ANK1: variants seen among roughly 807,000 people sequenced by gnomAD.
The protein encoded by ANK1 is ankyrin-1.
In ANK1, 51 loss-of-function variants were observed where a neutral mutation model predicts 210.4. The ratio of observed to expected loss-of-function variants is 0.24; its 90% CI spans 0.19 to 0.31. ANK1 has a LOEUF of 0.31. Among genes scored for constraint, ANK1 ranks in the 10% least tolerant of loss-of-function variants. The pLI, the probability that ANK1 is intolerant of heterozygous loss-of-function variation, is 1.00. For missense variants in ANK1, 2,051 were observed against 2,504.4 expected, an observed-to-expected ratio of 0.82 and a Z score of 3.86; for synonymous variants, 967 against 1,025.9, an observed-to-expected ratio of 0.94 and a Z score of 1.10.
chr8:41,758,771 G>A (rs531641159), intron 1 of ANK1, among the ~76,000 whole-genome samples: 1 of 152,302 alleles, frequency 6.6e-6, no homozygotes, highest in African/African-American at 2.4e-5. Flanking sequence ...GGTTTCAGGG[G>A]CTCCACAGTC....
Position 41,734,031 on chromosome 8 carries a change from G to C in ANK1, c.168C>G (p.Gly56=). 2.5e-6 allele frequency: 4 copies of C among 1,614,218 alleles called. No individual in the cohort carries two copies. Among genetic ancestry groups the C allele is most frequent in the Non-Finnish European group, 3.4e-6 (4 of 1,180,030 alleles). The change falls in exon 3 of 43, where the codon GGC becomes GGG. Residue 56 remains glycine, a synonymous_variant. Coordinates refer to ENST00000289734, the MANE Select transcript of ANK1 (RefSeq NM_000037.4). ...LNGLHLASKE[G]HVKMVVELLH... Reference sequence around the variant, plus strand: ...GAAGTTCAACCACCATTTTCACATGGCCTTCCTTAGAAGCCAGATGCAAGC... The same window carrying C: ...GAAGTTCAACCACCATTTTCACATGCCCTTCCTTAGAAGCCAGATGCAAGC...
chr8:41,859,990 G>A (rs907854021), intron 1 of ANK1, among the ~76,000 whole-genome samples: 2 of 152,164 alleles, frequency 1.3e-5, no homozygotes, highest in Non-Finnish European at 2.9e-5. Flanking sequence ...AGGGAAATGG[G>A]GAGGTGGCCA....
chr8:41,849,416 A>G (rs1438632809), intron 1 of ANK1, among the ~76,000 whole-genome samples: 2 of 151,772 alleles, frequency 1.3e-5, no homozygotes, highest in African/African-American at 4.9e-5. Flanking sequence ...CCCAGCTACC[A>G]GGGAGGCTGA....
At chr8:41,761,239 C>A (rs918491627) in intron 1 of ANK1, among the ~76,000 whole-genome samples, 1 of 148,748 alleles carries the variant, frequency 6.7e-6, no homozygotes, top group African/African-American at 2.5e-5. Flanking sequence ...GCACACAAAT[C>A]TACACATACA....
At chr8:41,792,199 G>A (rs1847882074) in intron 1 of ANK1, among the ~76,000 whole-genome samples, 1 of 152,144 alleles carries the variant, frequency 6.6e-6, no homozygotes, top group Non-Finnish European at 1.5e-5. Flanking sequence ...GAGGCAGCAG[G>A]GAAAACAATG....
chr8:41,855,218 T>A (rs1811980767), intron 1 of ANK1, among the ~76,000 whole-genome samples: 1 of 152,132 alleles, frequency 6.6e-6, no homozygotes, highest in African/African-American at 2.4e-5. Context: ...ATTGAATAAA[T>A]AAATGAGATG....
chr8:41,684,422 T>G, intron 37 of ANK1, 122 bp downstream of exon 37: 5 of 1,478,662 alleles, frequency 3.4e-6, no homozygotes, highest in Non-Finnish European at 4.7e-6. Context: ...AAACCAGACC[T>G]CCCACCAATG....
At chr8:41,887,207 T>A (rs1356179686) in intron 1 of ANK1, among the ~76,000 whole-genome samples, 1 of 151,820 alleles carries the variant, frequency 6.6e-6, no homozygotes, top group Non-Finnish European at 1.5e-5. Context: ...TGTTTATTTT[T>A]AACATTTTTT....
intron 2 of ANK1, among the ~76,000 whole-genome samples, chr8:41,747,332 A>G (rs1288470459): frequency 6.6e-6 from 1 of 152,042 alleles, no homozygotes; most frequent in Non-Finnish European, 1.5e-5. Flanking sequence ...AATCTTCCTC[A>G]AGGCCCAGAC....
At chr8:41,760,688 G>A (rs1676117977) in intron 1 of ANK1, among the ~76,000 whole-genome samples, 1 of 152,186 alleles carries the variant, frequency 6.6e-6, no homozygotes, top group Admixed American at 6.5e-5. Flanking sequence ...TTTGTAAGCT[G>A]GGGAGAGTAA....
intron 9 of ANK1, among the ~76,000 whole-genome samples, chr8:41,720,596 T>C (rs998020054): frequency 1.3e-5 from 2 of 152,138 alleles, no homozygotes; most frequent in Admixed American, 6.6e-5. Flanking sequence ...AGAACAGACA[T>C]AACCCCTGAC....
chr8:41,850,655 T>A (rs542854951), intron 1 of ANK1, among the ~76,000 whole-genome samples: 1 of 152,196 alleles, frequency 6.6e-6, no homozygotes, highest in Non-Finnish European at 1.5e-5. Context: ...TAATTTTTTA[T>A]ATTTTTGCAG....
In ANK1 at chr8:41,715,821, G is replaced by A. The variant is rs1248146540; in HGVS notation, c.1433C>T (p.Ala478Val). The change falls in exon 14 of 43, where the codon GCT becomes GTT. Residue 478 changes from alanine to valine, a missense_variant. Transcript: ENST00000289734. ...CACCATGTTTGTGTGGCCGATGCGA[G>A]CTGCACAGTGAAGTGGGGTCTGGTC... ...KDDQTPLHCAARIGHTNMVKL... is the reference protein window; with the variant it reads ...KDDQTPLHCAVRIGHTNMVKL... 1 of 1,614,262 alleles carries A rather than the reference G, an allele frequency of 6.2e-7. No homozygotes were observed. The highest frequency in any genetic ancestry group is 1.7e-5 in the Admixed American group (1 of 60,036).
rs1221837599 is a variant in ANK1 at position 41,694,345 on chromosome 8, G to A, written c.3328-243C>T. Reference sequence around the variant, plus strand: ...ACAGTCAACTCCCGGAGGTCATGCGGTTCCTGCATGCTGCACAGACTGGGC... The same window carrying A: ...ACAGTCAACTCCCGGAGGTCATGCGATTCCTGCATGCTGCACAGACTGGGC... On this transcript the variant is annotated intron_variant, in intron 28 of 42. Transcript: ENST00000289734. The surrounding 1 kb of genome is among the most constrained non-coding windows in gnomAD (Gnocchi z 5.7). Among the ~76,000 whole-genome samples, 1 of 152,232 alleles carries A rather than the reference G, an allele frequency of 6.6e-6. No homozygotes were observed. The highest frequency in any genetic ancestry group is 1.9e-4 in the East Asian group (1 of 5,188).
upstream of ANK1, among the ~76,000 whole-genome samples, chr8:41,797,932 G>A (rs1011841452): frequency 2.0e-4 from 31 of 151,928 alleles, no homozygotes; most frequent in African/African-American, 5.6e-4. This position sits in a 1 kb window ranked among gnomAD's most constrained non-coding sequence, Gnocchi z 4.0. Flanking sequence ...GTCGCGGGCA[G>A]GGCATCTCCT....
At chr8:41,795,753 G>A (rs1047798677) in intron 1 of ANK1, among the ~76,000 whole-genome samples, 10 of 151,998 alleles carry the variant, frequency 6.6e-5, no homozygotes, top group Admixed American at 1.3e-4. Flanking sequence ...GACCAGGAAG[G>A]GTGGGTGGGG....
intron 42 of ANK1, among the ~76,000 whole-genome samples, chr8:41,656,268 G>A (rs1805679602): frequency 6.6e-6 from 1 of 152,262 alleles, no homozygotes; most frequent in African/African-American, 2.4e-5. Context: ...CGCCAGCCTT[G>A]GGAACCCAGG....
intron 1 of ANK1, among the ~76,000 whole-genome samples, chr8:41,827,758 TCA>T (rs1268181386): frequency 5.1e-5 from 7 of 136,080 alleles, no homozygotes; most frequent in African/African-American, 1.6e-4. Flanking sequence ...ATACACCCAC[TCA>T]CACACCCCAC....
At chr8:41,714,728 G>A (rs547335466) in intron 15 of ANK1, among the ~76,000 whole-genome samples, 1 of 152,122 alleles carries the variant, frequency 6.6e-6, no homozygotes, top group Admixed American at 6.5e-5. Flanking sequence ...GGGCACGGTG[G>A]CAACTGCTTG....
Sources: gnomAD v4.1 joint callset for allele counts (sites outside exome capture counted in the v4.1 genomes callset) on GRCh38, gnomAD v4.1.1 for gene constraint, Gnocchi (gnomAD v3.1) non-coding constraint, MANE v1.5 for transcripts, NCBI Gene and HGNC (gene_info 2026-07-23, HGNC 2026-07-21) for gene names.